IPPK: variants seen among roughly 807,000 people sequenced by gnomAD.
IPPK encodes the protein IPK1 homolog.
Under a neutral mutation model 64.6 loss-of-function variants are expected in IPPK, and 22 were observed. The observed-to-expected ratio is 0.34, with a 90% CI of 0.24 to 0.49. The LOEUF is 0.49. IPPK is among the 20% of genes least tolerant of loss of function. IPPK has a pLI of 0.99. For synonymous variants in IPPK, 262 were observed against 247.2 expected, an observed-to-expected ratio of 1.06 and a Z score of -0.56; for missense variants, 532 against 630.7, an observed-to-expected ratio of 0.84 and a Z score of 1.68.
At chr9:92,619,762 A>C in intron 11 of IPPK, 197 bp from the exon 12 acceptor site, 1 of 602,588 alleles carries the variant, frequency 1.7e-6, no homozygotes, top group South Asian at 1.9e-5. Context: ...CCTCAGTGCC[A>C]CGGGGCTGCT....
chr9:92,621,316 A>C (rs1851621707), intron 11 of IPPK, among the ~76,000 whole-genome samples: 1 of 152,130 alleles, frequency 6.6e-6, no homozygotes, highest in South Asian at 2.1e-4. Flanking sequence ...TCCTATAAAC[A>C]TGAAAAGATA....
In IPPK at chr9:92,669,878, C is replaced by A. The variant is rs752820062; in HGVS notation, c.81+30G>T. On this transcript the variant is annotated intron_variant, in intron 1 of 12. Coordinates refer to ENST00000287996, the MANE Select transcript of IPPK (RefSeq NM_022755.6). ...TGATACCGGCCGTCGGAGTGAGGTA[C>A]CGGACCTGCGCCGCACGTCCACCGC... is the stretch of plus-strand genomic sequence containing the variant. The A allele has an allele frequency of 8.3e-6, 13 of 1,561,804 alleles. No homozygotes were observed. In the Admixed American group the frequency reaches 1.2e-4, roughly 14 times the overall value.
At chr9:92,627,611 A>T (rs552461347) in intron 11 of IPPK, among the ~76,000 whole-genome samples, 1 of 152,340 alleles carries the variant, frequency 6.6e-6, no homozygotes, top group East Asian at 1.9e-4. Context: ...CCACATGATA[A>T]TCTCAAATGA....
In IPPK at chr9:92,638,069, G is replaced by A. The variant is rs571708695; in HGVS notation, c.848C>T (p.Pro283Leu). The change falls in exon 9 of 13, where the codon CCG (proline) becomes CTG (leucine). Residue 283 changes from proline (P) to leucine (L), a missense_variant. Transcript: ENST00000287996. ...TCGCGGGCCCTGAGGCCCGAGCCCC[G>A]GACTCAGGGTGCCTGCCCGGCCCTT... The part of the protein sequence containing the change: ...SDKGRAGTLS[P>L]GLGPQGPRVC... The A allele has an allele frequency of 2.7e-5, 43 of 1,610,892 alleles. No individual in the cohort carries two copies. Among genetic ancestry groups the A allele is most frequent in the Middle Eastern group, 3.3e-4 (2 of 6,042 alleles).
At chr9:92,629,849 C>T (rs1190600891) in intron 11 of IPPK, among the ~76,000 whole-genome samples, 1 of 152,154 alleles carries the variant, frequency 6.6e-6, no homozygotes, top group African/African-American at 2.4e-5. Context: ...CCACTGCACA[C>T]TCTCGACGAC....
intron 7 of IPPK, 22 bp downstream of exon 7, chr9:92,642,730 C>CA: frequency 6.2e-7 from 1 of 1,610,794 alleles, no homozygotes. Flanking sequence ...CACAAGGGGG[C>CA]AAAGGAGAAG....
Position 92,640,691 on chromosome 9 carries a change from G to C in IPPK, c.636+19C>G. The stretch of plus-strand genomic sequence containing the variant: ...CCAGCCCCACCCTGAAACCACCATA[G>C]AATCAAAGCAGCTCTTACCTTAAAT... On this transcript the variant is annotated intron_variant, in intron 8 of 12. Coordinates refer to ENST00000287996, the MANE Select transcript of IPPK (RefSeq NM_022755.6). The C allele has an allele frequency of 1.3e-6, 2 of 1,574,916 alleles. No individual in the cohort carries two copies. The highest frequency in any genetic ancestry group is 1.7e-6 in the Non-Finnish European group (2 of 1,144,268).
chr9:92,640,710 C>A lies in IPPK; in HGVS notation c.636G>T (p.Lys212Asn). Residue 212 changes from lysine to asparagine, a missense_variant and splice_region_variant, in exon 8 of 13, where the codon AAG (lysine) becomes AAT (asparagine). Coordinates refer to ENST00000287996, the MANE Select transcript of IPPK (RefSeq NM_022755.6). ...ACCATAGAATCAAAGCAGCTCTTAC[C>A]TTAAATATCTTCAAGTTGTTCTGTG... is the stretch of plus-strand genomic sequence containing the variant. ...QEAQNNLKIF[K>N]NGELIYGCKD... The A allele has an allele frequency of 6.2e-7, 1 of 1,605,600 alleles. No individual in the cohort carries two copies. Among genetic ancestry groups the A allele is most frequent in the South Asian group, 1.1e-5 (1 of 90,908 alleles).
intron 11 of IPPK, among the ~76,000 whole-genome samples, chr9:92,633,369 A>C (rs982096500): frequency 5.6e-5 from 7 of 125,646 alleles, no homozygotes; most frequent in African/African-American, 2.1e-4. Context: ...GTAAAATACC[A>C]AAAAAAAAAA....
At chr9:92,636,204 C>T (rs1217130007) in intron 9 of IPPK, among the ~76,000 whole-genome samples, 1 of 152,230 alleles carries the variant, frequency 6.6e-6, no homozygotes, top group East Asian at 1.9e-4. Context: ...AGGGGGAAAA[C>T]TGTAGTCAGC....
chr9:92,652,219 G>T (rs1229939835), intron 4 of IPPK, among the ~76,000 whole-genome samples: 1 of 152,066 alleles, frequency 6.6e-6, no homozygotes, highest in African/African-American at 2.4e-5. Flanking sequence ...GGAGGCCGAG[G>T]TGGGTGGATC....
intron 1 of IPPK, among the ~76,000 whole-genome samples, chr9:92,659,598 C>A (rs1269238165): frequency 6.6e-6 from 1 of 152,084 alleles, no homozygotes; most frequent in Non-Finnish European, 1.5e-5. Flanking sequence ...AACGGCAGTG[C>A]AAAGGTGGGG....
chr9:92,630,929 T>C (rs757528116), intron 11 of IPPK, among the ~76,000 whole-genome samples: 3 of 152,130 alleles, frequency 2.0e-5, no homozygotes, highest in Non-Finnish European at 4.4e-5. Flanking sequence ...CAAAAAACTA[T>C]GGGCTGGGGG....
chr9:92,645,935 G>C (rs963838661), intron 6 of IPPK, among the ~76,000 whole-genome samples: 3 of 151,846 alleles, frequency 2.0e-5, no homozygotes, highest in Non-Finnish European at 4.4e-5. Context: ...AAGAGTATCA[G>C]TAAAGGTAAC....
intron 1 of IPPK, among the ~76,000 whole-genome samples, chr9:92,664,109 G>A (rs974273253): frequency 6.6e-5 from 10 of 152,214 alleles, no homozygotes; most frequent in Admixed American, 5.9e-4. Flanking sequence ...AAGGCTGCCC[G>A]GGGTCTGTCA....
chr9:92,635,278 G>A lies in IPPK; in HGVS notation c.947C>T (p.Pro316Leu), dbSNP rs748608784. Residue 316 changes from proline to leucine, a missense_variant, in exon 10 of 13, where the codon CCG becomes CTG. Pro to Leu is a moderately conservative substitution (Grantham distance 98). Transcript: ENST00000287996. The surrounding 1 kb of genome is among the most constrained non-coding windows in gnomAD (Gnocchi z 4.4). ...GKNTPERSGLPKGCLLYKTLQ... is the reference protein window; with the variant it reads ...GKNTPERSGLLKGCLLYKTLQ... The stretch of plus-strand genomic sequence containing the variant: ...GGTTTTGTACAGAAGACAGCCCTTC[G>A]GTAACCCCGAGCGCTCTGGGGTGTT... The A allele has an allele frequency of 2.5e-6, 4 of 1,613,982 alleles. No individual in the cohort carries two copies. The highest frequency in any genetic ancestry group is 3.4e-6 in the Non-Finnish European group (4 of 1,179,932).
At chr9:92,665,264 C>A (rs564228311) in intron 1 of IPPK, among the ~76,000 whole-genome samples, 1 of 152,242 alleles carries the variant, frequency 6.6e-6, no homozygotes, top group South Asian at 2.1e-4. Flanking sequence ...TAAAAGGGAG[C>A]GACCAAGGGC....
intron 9 of IPPK, among the ~76,000 whole-genome samples, chr9:92,637,670 G>A (rs1412697055): frequency 6.6e-6 from 1 of 152,166 alleles, no homozygotes; most frequent in Non-Finnish European, 1.5e-5. Context: ...CCTGTCCCCC[G>A]GGTTGCAATG....
At chr9:92,619,689 G>T in intron 11 of IPPK, 124 bp from the exon 12 acceptor site, 1 of 881,602 alleles carries the variant, frequency 1.1e-6, no homozygotes, top group South Asian at 1.5e-5. Context: ...GGTGGGATTA[G>T]GAGCGAGGGC....
Sources: gnomAD v4.1 joint callset for allele counts (sites outside exome capture counted in the v4.1 genomes callset) on GRCh38, gnomAD v4.1.1 for gene constraint, Gnocchi (gnomAD v3.1) non-coding constraint, MANE v1.5 for transcripts, NCBI Gene and HGNC (gene_info 2026-07-23, HGNC 2026-07-21) for gene names.